PTPRD: variants seen among roughly 807,000 people sequenced by gnomAD.
PTPRD encodes receptor-type tyrosine-protein phosphatase delta.
In PTPRD, 34 loss-of-function variants were observed where a neutral mutation model predicts 214.5. The observed-to-expected ratio is 0.16, with a 90% CI of 0.12 to 0.21. The LOEUF (loss-of-function observed/expected upper bound fraction) is 0.21, where lower values mean the gene tolerates loss of function less well. Ranked by LOEUF, PTPRD falls within the 10% of genes least tolerant of loss-of-function variation. PTPRD has a pLI of 1.00. For synonymous variants in PTPRD, 1,128 were observed against 845.7 expected, an observed-to-expected ratio of 1.33 and a Z score of -5.79; for missense variants, 2,545 against 2,398.7, an observed-to-expected ratio of 1.06 and a Z score of -1.27.
chr9:8,738,171 C>T (rs893622278), intron 11 of PTPRD, among the ~76,000 whole-genome samples: 11 of 152,210 alleles, frequency 7.2e-5, no homozygotes, highest in African/African-American at 2.6e-4. Flanking sequence ...GAGGGCAATA[C>T]GATGCATGTA....
chr9:8,724,487 A>G (rs2098536687), intron 12 of PTPRD, among the ~76,000 whole-genome samples: 2 of 152,256 alleles, frequency 1.3e-5, no homozygotes, highest in Non-Finnish European at 2.9e-5. Context: ...CCTCCCTCCA[A>G]AGAATTTTTC....
chr9:9,101,967 A>T (rs1222045796), intron 10 of PTPRD, among the ~76,000 whole-genome samples: 3 of 152,198 alleles, frequency 2.0e-5, no homozygotes, highest in African/African-American at 7.2e-5. Context: ...CATGGAATTT[A>T]AAAAACACAC....
intron 2 of PTPRD, among the ~76,000 whole-genome samples, chr9:10,531,569 T>C (rs1252004708): frequency 1.3e-5 from 2 of 152,196 alleles, no homozygotes; most frequent in African/African-American, 2.4e-5. Flanking sequence ...TTCATGAGTG[T>C]TGGAAGAATT....
intron 4 of PTPRD, among the ~76,000 whole-genome samples, chr9:9,966,143 G>A (rs939762830): frequency 6.6e-6 from 1 of 152,116 alleles, no homozygotes; most frequent in African/African-American, 2.4e-5. Flanking sequence ...TAGATAAAAG[G>A]AGACCATCCT....
chr9:8,929,901 G>A (rs867729426), intron 11 of PTPRD, among the ~76,000 whole-genome samples: 1 of 88,390 alleles, frequency 1.1e-5, no homozygotes. Flanking sequence ...ATATATATGT[G>A]TATATATATG....
chr9:8,789,733 A>G (rs1208510983), intron 11 of PTPRD, among the ~76,000 whole-genome samples: 1 of 152,220 alleles, frequency 6.6e-6, no homozygotes, highest in African/African-American at 2.4e-5. Flanking sequence ...CCAGAATAGC[A>G]GAGAATTAGC....
At chr9:10,360,956 G>C (rs913496647) in intron 2 of PTPRD, among the ~76,000 whole-genome samples, 3 of 151,658 alleles carry the variant, frequency 2.0e-5, no homozygotes, top group African/African-American at 7.2e-5. Context: ...CAAAAAATTA[G>C]CCGGGCGTGG....
At chr9:9,166,358 C>T (rs1051340335) in intron 10 of PTPRD, among the ~76,000 whole-genome samples, 3 of 152,064 alleles carry the variant, frequency 2.0e-5, no homozygotes, top group African/African-American at 4.8e-5. Flanking sequence ...TTGGGAGAAA[C>T]TCCTTCCACT....
intron 11 of PTPRD, among the ~76,000 whole-genome samples, chr9:9,000,463 G>C (rs1001284944): frequency 6.6e-6 from 1 of 151,952 alleles, no homozygotes; most frequent in Non-Finnish European, 1.5e-5. Context: ...GGTTCATCTT[G>C]AGGTGCTTGT....
chr9:9,530,954 T>C (rs1040617009), intron 8 of PTPRD, among the ~76,000 whole-genome samples: 1 of 152,094 alleles, frequency 6.6e-6, no homozygotes, highest in African/African-American at 2.4e-5. Flanking sequence ...AGATAGAATT[T>C]GTAAGTTTTA....
chr9:10,190,043 G>A (rs1455005075), intron 3 of PTPRD, among the ~76,000 whole-genome samples: 4 of 152,080 alleles, frequency 2.6e-5, no homozygotes, highest in Non-Finnish European at 5.9e-5. Context: ...TGAGCTCTGA[G>A]AATTAGGAGA....
At chr9:8,796,777 T>G (rs1456601168) in intron 11 of PTPRD, among the ~76,000 whole-genome samples, 1 of 152,158 alleles carries the variant, frequency 6.6e-6, no homozygotes, top group African/African-American at 2.4e-5. Context: ...TCCAGGATTA[T>G]GTCAAGTTCC....
At chr9:9,563,981 T>C (rs546132441) in intron 8 of PTPRD, among the ~76,000 whole-genome samples, 1 of 152,130 alleles carries the variant, frequency 6.6e-6, no homozygotes, top group Non-Finnish European at 1.5e-5. Context: ...GTAAAAGACA[T>C]GTTGGCCTAG....
chr9:8,330,997 C>G (rs755986444), intron 44 of PTPRD, among the ~76,000 whole-genome samples: 7 of 151,252 alleles, frequency 4.6e-5, no homozygotes, highest in Non-Finnish European at 1.0e-4. Context: ...GAACTATTTA[C>G]TTGCTATTTA....
chr9:9,926,789 G>A lies in PTPRD; in HGVS notation c.-368+11718C>T, dbSNP rs146504546. Among the ~76,000 whole-genome samples, 15 of 152,216 alleles carry A rather than the reference G, an allele frequency of 9.9e-5. No homozygotes were observed. The East Asian group carries it at 2.9e-3, about 29-fold the overall frequency. Reference sequence around the variant, plus strand: ...GAAATCAAAGGTATAGTTTACCCATGAGCATTTGTTTAGAGAGATAAAAGT... The same window carrying A: ...GAAATCAAAGGTATAGTTTACCCATAAGCATTTGTTTAGAGAGATAAAAGT... On this transcript the variant is annotated intron_variant, in intron 5 of 45. Coordinates refer to ENST00000381196, the MANE Select transcript of PTPRD (RefSeq NM_002839.4).
intron 14 of PTPRD, among the ~76,000 whole-genome samples, chr9:8,583,761 TC>T (rs2093394996): frequency 6.6e-6 from 1 of 152,222 alleles, no homozygotes; most frequent in Non-Finnish European, 1.5e-5. Context: ...CTGCAATGTT[TC>T]ATGTCCTTAT....
chr9:9,767,491 T>C (rs769411047), intron 5 of PTPRD, among the ~76,000 whole-genome samples: 4 of 152,070 alleles, frequency 2.6e-5, no homozygotes, highest in Admixed American at 6.5e-5. Context: ...TTCTAGCTTA[T>C]TATTCTATCA....
At chr9:8,371,467 A>C (rs990880060) in intron 39 of PTPRD, among the ~76,000 whole-genome samples, 1 of 152,066 alleles carries the variant, frequency 6.6e-6, no homozygotes. Context: ...AAACTTGCAC[A>C]GTGTGAACCT....
At chr9:9,826,496 A>G (rs963890739) in intron 5 of PTPRD, among the ~76,000 whole-genome samples, 2 of 151,976 alleles carry the variant, frequency 1.3e-5, no homozygotes, top group African/African-American at 4.8e-5. Context: ...TAGCTAATCC[A>G]GAGACAGTAC....
Sources: gnomAD v4.1 joint callset for allele counts (sites outside exome capture counted in the v4.1 genomes callset) on GRCh38, gnomAD v4.1.1 for gene constraint, MANE v1.5 for transcripts, NCBI Gene and HGNC (gene_info 2026-07-23, HGNC 2026-07-21) for gene names.